Variants in MED13 observed in about 807,000 individuals in gnomAD.
The protein encoded by MED13 is mediator of RNA polymerase II transcription subunit 13.
In MED13, 23 loss-of-function variants were observed where a neutral mutation model predicts 225.2. The ratio of observed to expected loss-of-function variants is 0.10; its 90% CI spans 0.07 to 0.14. MED13 has a LOEUF of 0.14. Among genes scored for constraint, MED13 ranks in the 10% least tolerant of loss-of-function variants. MED13 has a pLI of 1.00. For missense variants in MED13, 2,197 were observed against 2,594.5 expected (o/e 0.85, Z 3.33); for synonymous variants, 942 against 889.2 (o/e 1.06, Z -1.06).
intron 23 of MED13, among the ~76,000 whole-genome samples, chr17:61,956,730 G>A (rs1338397469): frequency 2.6e-5 from 4 of 151,924 alleles, no homozygotes; most frequent in African/African-American, 4.8e-5. Context: ...TAGTAGAGAC[G>A]GGGTTTCACC....
In MED13 at chr17:62,011,093, G is replaced by A. The variant is rs376893629; in HGVS notation, c.1424C>T (p.Pro475Leu). 3 of 1,614,072 alleles carry A rather than the reference G, an allele frequency of 1.9e-6. No individual in the cohort carries two copies. Among genetic ancestry groups the A allele is most frequent in the East Asian group, 2.2e-5 (1 of 44,904 alleles). The change falls in exon 9 of 30, where the codon CCT (proline) becomes CTT (leucine). Residue 475 changes from proline (P) to leucine (L), a missense_variant. Physicochemically the swap from Pro to Leu is moderately conservative, Grantham distance 98. Transcript: ENST00000397786. The part of the protein sequence containing the change: ...SEKPQKRPLT[P>L]FHHRVSVSDD... The stretch of plus-strand genomic sequence containing the variant: ...ACTAACAGACACACGATGGTGAAAA[G>A]GAGTCAAGGGGCGTTTCTGTGGCTT...
At chr17:61,952,935 G>A (rs781025178) in intron 27 of MED13, 30 bp downstream of exon 27, 10 of 1,602,940 alleles carry the variant, frequency 6.2e-6, no homozygotes, top group Middle Eastern at 1.7e-4. Context: ...GCGCCCGGCC[G>A]AGAAAAACTA....
chr17:62,065,048 G>A (rs912081700), intron 1 of MED13, 92 bp downstream of exon 1: 8 of 1,166,744 alleles, frequency 6.9e-6, no homozygotes, highest in Non-Finnish European at 9.3e-6. Context: ...CGGGAACTCG[G>A]GCATCTGGAC....
At chr17:62,044,469 TAA>T (rs1201213980) in intron 3 of MED13, among the ~76,000 whole-genome samples, 2 of 152,224 alleles carry the variant, frequency 1.3e-5, no homozygotes, top group East Asian at 1.9e-4. Context: ...CTCTATGGAC[TAA>T]GTTTTTTACT....
At chr17:62,055,057 T>C (rs1214075321) in intron 2 of MED13, among the ~76,000 whole-genome samples, 2 of 152,190 alleles carry the variant, frequency 1.3e-5, no homozygotes, top group Non-Finnish European at 2.9e-5. Context: ...AAAAATCTGC[T>C]TTCTGGGAGG....
chr17:61,975,169 G>A (rs916899265), intron 16 of MED13, among the ~76,000 whole-genome samples: 13 of 151,494 alleles, frequency 8.6e-5, no homozygotes, highest in African/African-American at 3.1e-4. Context: ...AGACAATCCA[G>A]AGTACAGGAG....
chr17:62,014,310 T>TTTTATATATATATA (rs143857376), intron 8 of MED13, among the ~76,000 whole-genome samples: 2 of 143,094 alleles, frequency 1.4e-5, no homozygotes, highest in African/African-American at 5.4e-5. Flanking sequence ...GTATATGTTT[T>TTTTATATATATATA]TATATATATA....
At chr17:62,037,180 G>A (rs1386027038) in intron 3 of MED13, among the ~76,000 whole-genome samples, 3 of 152,052 alleles carry the variant, frequency 2.0e-5, no homozygotes, top group East Asian at 3.9e-4. Flanking sequence ...TTGAATCCAC[G>A]ATGTGGAGGC....
intron 2 of MED13, among the ~76,000 whole-genome samples, chr17:62,056,483 C>G (rs1378483199): frequency 6.6e-6 from 1 of 152,164 alleles, no homozygotes; most frequent in Non-Finnish European, 1.5e-5. Flanking sequence ...CCTCCTCTAG[C>G]CAGGTGCAAT....
chr17:61,980,365 T>G (rs1424506794), intron 16 of MED13, among the ~76,000 whole-genome samples: 1 of 152,196 alleles, frequency 6.6e-6, no homozygotes, highest in African/African-American at 2.4e-5. Context: ...ACAGTTTATT[T>G]CATCCAGATC....
intron 3 of MED13, among the ~76,000 whole-genome samples, chr17:62,048,242 T>C (rs77638156): frequency 0.16 from 23,625 of 148,410 alleles, 2,283 homozygotes; most frequent in East Asian, 0.5. Flanking sequence ...CCCGTCTCCT[T>C]AAAAATACAA....
chr17:61,980,824 C>T (rs1194624022), intron 16 of MED13, among the ~76,000 whole-genome samples: 1 of 151,914 alleles, frequency 6.6e-6, no homozygotes, highest in African/African-American at 2.4e-5. Flanking sequence ...CTCAACACAA[C>T]CTCCGCCCCC....
rs1338806088 is a variant in MED13, at chr17:61,961,219, T to C, written c.5257-129A>G. On this transcript the variant is annotated intron_variant, in intron 22 of 29. Coordinates refer to ENST00000397786, the MANE Select transcript of MED13 (RefSeq NM_005121.3). The stretch of plus-strand genomic sequence containing the variant: ...TGACAGCTAAGCCAAAAATTGCACT[T>C]AGTTTTGCATAGTATCATAAAAATG... 6 of 809,260 alleles carry C rather than the reference T, an allele frequency of 7.4e-6. No individual in the cohort carries two copies. In the Admixed American group the frequency reaches 1.7e-4, roughly 22 times the overall value. The allele number at this position is 809,260 out of a possible 1,614,324, so 50.1% of individuals were successfully genotyped here.
chr17:61,960,159 C>A (rs2079986547), intron 23 of MED13, among the ~76,000 whole-genome samples: 1 of 152,110 alleles, frequency 6.6e-6, no homozygotes. Flanking sequence ...AGTGATAACT[C>A]AAAATGAGGC....
At chr17:62,047,572 G>A (rs1005910102) in intron 3 of MED13, among the ~76,000 whole-genome samples, 6 of 152,054 alleles carry the variant, frequency 3.9e-5, no homozygotes, top group Non-Finnish European at 5.9e-5. Flanking sequence ...GGAGCATGGA[G>A]AGGGAGAGCA....
intron 3 of MED13, among the ~76,000 whole-genome samples, chr17:62,051,755 A>C (rs2080959063): frequency 6.6e-6 from 1 of 152,220 alleles, no homozygotes; most frequent in Non-Finnish European, 1.5e-5. Context: ...CACATCTTTC[A>C]GGAAAAATTA....
At chr17:62,064,842 A>AG (rs1404135290) in intron 1 of MED13, among the ~76,000 whole-genome samples, 1 of 152,206 alleles carries the variant, frequency 6.6e-6, no homozygotes, top group African/African-American at 2.4e-5. Context: ...GCAAGACAAG[A>AG]GGGAAAGGTT....
chr17:62,059,406 C>G (rs1325878601), intron 2 of MED13, among the ~76,000 whole-genome samples: 2 of 152,142 alleles, frequency 1.3e-5, no homozygotes, highest in Non-Finnish European at 2.9e-5. Context: ...AATATTATCA[C>G]CATAATAAAA....
chr17:61,978,101 TGTC>T (rs2080172015), intron 16 of MED13, among the ~76,000 whole-genome samples: 1 of 152,068 alleles, frequency 6.6e-6, no homozygotes, highest in Admixed American at 6.5e-5. Flanking sequence ...CTCCTGCTGC[TGTC>T]ATTACCACTA....
Sources: gnomAD v4.1 joint callset for allele counts (sites outside exome capture counted in the v4.1 genomes callset) on GRCh38, gnomAD v4.1.1 for gene constraint, MANE v1.5 for transcripts, NCBI Gene and HGNC (gene_info 2026-07-23, HGNC 2026-07-21) for gene names.